NLGN1: variants seen among roughly 807,000 people sequenced by gnomAD.
NLGN1 encodes the protein neuroligin-1.
A neutral mutation model predicts 65.5 loss-of-function variants in NLGN1; 12 were observed. The observed-to-expected ratio is 0.18, with a 90% CI of 0.12 to 0.30. NLGN1 has a LOEUF of 0.30. Among genes scored for constraint, NLGN1 ranks in the 10% least tolerant of loss-of-function variants. NLGN1 has a pLI of 1.00. For synonymous variants in NLGN1, 350 were observed against 359.5 expected (o/e 0.97, Z 0.30); for missense variants, 750 against 1,007.1 (o/e 0.74, Z 3.46).
chr3:173,898,246 G>T (rs1736683769), intron 4 of NLGN1, among the ~76,000 whole-genome samples: 1 of 152,042 alleles, frequency 6.6e-6, no homozygotes, highest in African/African-American at 2.4e-5. Flanking sequence ...ATTTTATTGT[G>T]GAAATATACA....
intron 4 of NLGN1, among the ~76,000 whole-genome samples, chr3:174,001,870 C>T (rs925245896): frequency 6.6e-6 from 1 of 151,880 alleles, no homozygotes; most frequent in African/African-American, 2.4e-5. Flanking sequence ...GTAAAAACAT[C>T]TTATAATGTA....
chr3:173,527,195 C>T (rs532212290), intron 2 of NLGN1, among the ~76,000 whole-genome samples: 1 of 152,262 alleles, frequency 6.6e-6, no homozygotes, highest in African/African-American at 2.4e-5. Flanking sequence ...TGAGGGTTCC[C>T]TTTTCTCCAT....
chr3:173,760,801 GA>G (rs978206252), intron 3 of NLGN1, among the ~76,000 whole-genome samples: 3 of 152,024 alleles, frequency 2.0e-5, no homozygotes, highest in Non-Finnish European at 4.4e-5. Flanking sequence ...CAGGTTTTGA[GA>G]TGTAGATTTT....
At chr3:173,738,455 T>A (rs1489313298) in intron 3 of NLGN1, among the ~76,000 whole-genome samples, 1 of 152,118 alleles carries the variant, frequency 6.6e-6, no homozygotes, top group Admixed American at 6.6e-5. Context: ...TTCATTTTTT[T>A]ACATGTTGAT....
At chr3:173,781,739 G>A (rs897782828) in intron 3 of NLGN1, among the ~76,000 whole-genome samples, 11 of 152,146 alleles carry the variant, frequency 7.2e-5, no homozygotes, top group Non-Finnish European at 1.2e-4. Context: ...AGGCACATTA[G>A]CCCTTGGCAT....
intron 4 of NLGN1, among the ~76,000 whole-genome samples, chr3:174,245,947 C>T (rs983134971): frequency 6.6e-6 from 1 of 152,098 alleles, no homozygotes; most frequent in African/African-American, 2.4e-5. Flanking sequence ...TCTCTAGCTT[C>T]GATAGAATTG....
intron 2 of NLGN1, among the ~76,000 whole-genome samples, chr3:173,485,931 T>G (rs1256102283): frequency 6.6e-6 from 1 of 152,196 alleles, no homozygotes; most frequent in Non-Finnish European, 1.5e-5. Flanking sequence ...CTTTAGGTCT[T>G]ATCTTTTTGT....
At chr3:174,270,541 A>G (rs1749208658) in intron 4 of NLGN1, among the ~76,000 whole-genome samples, 1 of 151,880 alleles carries the variant, frequency 6.6e-6, no homozygotes, top group Admixed American at 6.6e-5. Context: ...ATATTCTAGC[A>G]TGAGGATTTT....
chr3:173,429,541 T>G (rs1360060780), intron 1 of NLGN1, among the ~76,000 whole-genome samples: 3 of 152,100 alleles, frequency 2.0e-5, no homozygotes, highest in Non-Finnish European at 4.4e-5. Context: ...CCTGTTTGCT[T>G]TTGTTTCTTA....
At chr3:173,850,584 AT>A (rs1422269482) in intron 4 of NLGN1, among the ~76,000 whole-genome samples, 1 of 152,090 alleles carries the variant, frequency 6.6e-6, no homozygotes, top group Non-Finnish European at 1.5e-5. Context: ...ATTCCAAGTG[AT>A]TAGTGAATTA....
chr3:173,828,744 A>G (rs1276584792), intron 4 of NLGN1, among the ~76,000 whole-genome samples: 1 of 152,064 alleles, frequency 6.6e-6, no homozygotes, highest in Non-Finnish European at 1.5e-5. Flanking sequence ...AAAATATATC[A>G]TGTTGATATC....
chr3:174,124,046 A>G (rs960654517), intron 4 of NLGN1, among the ~76,000 whole-genome samples: 3 of 152,200 alleles, frequency 2.0e-5, no homozygotes, highest in South Asian at 2.1e-4. Flanking sequence ...GCCTTACTCT[A>G]GTAGGATGGT....
intron 2 of NLGN1, among the ~76,000 whole-genome samples, chr3:173,443,087 A>C (rs1192008585): frequency 4.0e-5 from 6 of 151,826 alleles, no homozygotes; most frequent in African/African-American, 1.5e-4. Flanking sequence ...TTAAAATTAA[A>C]TGCCAGTCAG....
chr3:174,009,080 C>CAAACATGGTGTCTGGTG (rs1268095525), intron 4 of NLGN1, among the ~76,000 whole-genome samples: 1 of 152,098 alleles, frequency 6.6e-6, no homozygotes, highest in Non-Finnish European at 1.5e-5. Context: ...AAGGCATTGG[C>CAAACATGGTGTCTGGTG]AAACATGGTG....
intron 4 of NLGN1, among the ~76,000 whole-genome samples, chr3:173,973,050 C>T (rs887702052): frequency 2.0e-5 from 3 of 152,042 alleles, no homozygotes; most frequent in African/African-American, 7.2e-5. Flanking sequence ...TAATATTTAA[C>T]CTCTCCTTGT....
exon 3 of NLGN1, chr3:173,604,319 G>C: frequency 2.5e-6 from 1 of 403,100 alleles, no homozygotes; most frequent in Non-Finnish European, 4.5e-6. Flanking sequence ...TTATAAGAGA[G>C]AAATCTGCAG....
intron 4 of NLGN1, among the ~76,000 whole-genome samples, chr3:174,172,817 T>C (rs1269285346): frequency 2.0e-5 from 3 of 152,132 alleles, no homozygotes; most frequent in Non-Finnish European, 1.5e-5. Flanking sequence ...TGAGACTCCA[T>C]AAAAATTGTA....
chr3:173,846,218 C>T (rs1725765891), intron 4 of NLGN1, among the ~76,000 whole-genome samples: 1 of 152,114 alleles, frequency 6.6e-6, no homozygotes, highest in Non-Finnish European at 1.5e-5. Context: ...TCTAAATTCT[C>T]CAGTTAAAAT....
Position 173,750,463 on chromosome 3 carries a change from C to A in NLGN1, c.494-57217C>A, listed in dbSNP as rs546568808. Reference sequence around the variant, plus strand: ...TGAGCTAAGATAGAAAACTCATTTCCTTTGCATTGTCAGAGTATTCTATTT... The same window carrying A: ...TGAGCTAAGATAGAAAACTCATTTCATTTGCATTGTCAGAGTATTCTATTT... On this transcript the variant is annotated intron_variant, in intron 3 of 6. Transcript: ENST00000457714. Among the ~76,000 whole-genome samples the A allele has an allele frequency of 7.2e-5, 11 of 152,138 alleles. No individual in the cohort carries two copies. In the South Asian group the frequency reaches 2.3e-3, roughly 32 times the overall value.
Sources: gnomAD v4.1 joint callset for allele counts (sites outside exome capture counted in the v4.1 genomes callset) on GRCh38, gnomAD v4.1.1 for gene constraint, MANE v1.5 for transcripts, NCBI Gene and HGNC (gene_info 2026-07-23, HGNC 2026-07-21) for gene names.